The following TUSC3 variants were observed in gnomAD, a reference collection of about 807,000 sequenced individuals.
TUSC3 encodes the protein dolichyl-diphosphooligosaccharide--protein glycosyltransferase subunit TUSC3.
A neutral mutation model predicts 44.8 loss-of-function variants in TUSC3; 45 were observed. That is an observed-to-expected ratio of 1.00 (90% CI 0.79 to 1.29). The LOEUF is 1.29. TUSC3 is among the 50% of genes most tolerant of loss of function. TUSC3 has a pLI of 0.00. For missense variants in TUSC3, 519 were observed against 437.9 expected, an observed-to-expected ratio of 1.19 and a Z score of -1.65; for synonymous variants, 212 against 152.9, an observed-to-expected ratio of 1.39 and a Z score of -2.85.
chr8:15,803,305 A>G, the TUSC3 span, among the ~76,000 whole-genome samples: 2 of 152,194 alleles, frequency 1.3e-5, no homozygotes, highest in Non-Finnish European at 2.9e-5. Context: ...AAATGCACAC[A>G]TATCTTAGTA....
intron 2 of TUSC3, among the ~76,000 whole-genome samples, chr8:15,488,665 G>T (rs1251039120): frequency 6.6e-6 from 1 of 152,078 alleles, no homozygotes; most frequent in Non-Finnish European, 1.5e-5. Flanking sequence ...CCTATGATGA[G>T]ATTAGTGTCT....
intron 1 of TUSC3, among the ~76,000 whole-genome samples, chr8:15,560,199 G>C (rs1302935587): frequency 6.9e-6 from 1 of 145,464 alleles, no homozygotes; most frequent in African/African-American, 2.6e-5. Flanking sequence ...GGCAGGCCTG[G>C]TGGTGACAAA....
intron 5 of TUSC3, among the ~76,000 whole-genome samples, chr8:15,666,997 A>G (rs927204865): frequency 6.6e-6 from 1 of 151,516 alleles, no homozygotes; most frequent in Non-Finnish European, 1.5e-5. Flanking sequence ...AAAACTACTC[A>G]TATATGGATA....
chr8:15,506,713 C>G (rs1038492544), intron 2 of TUSC3, among the ~76,000 whole-genome samples: 2 of 152,112 alleles, frequency 1.3e-5, no homozygotes, highest in Non-Finnish European at 2.9e-5. Flanking sequence ...CAGGAAAAAC[C>G]CGTCCCCATG....
intron 1 of TUSC3, among the ~76,000 whole-genome samples, chr8:15,590,197 G>C (rs911033880): frequency 6.6e-6 from 1 of 152,134 alleles, no homozygotes; most frequent in Non-Finnish European, 1.5e-5. Context: ...CTTTACACAG[G>C]AGTTTCTGAT....
At chr8:15,758,390 A>T in intron 10 of TUSC3, 1 of 326,720 alleles carries the variant, frequency 3.1e-6, no homozygotes, top group Non-Finnish European at 4.4e-6. Flanking sequence ...TATATATATA[A>T]TTTTACATAA....
chr8:15,597,202 G>T (rs980781359), intron 1 of TUSC3, among the ~76,000 whole-genome samples: 1 of 152,218 alleles, frequency 6.6e-6, no homozygotes, highest in South Asian at 2.1e-4. Flanking sequence ...ATTTGCTGCA[G>T]ATTTTAATGG....
chr8:15,851,115 A>G, the TUSC3 span, among the ~76,000 whole-genome samples: 70 of 152,216 alleles, frequency 4.6e-4, no homozygotes, highest in Admixed American at 3.9e-4. Flanking sequence ...TGGGAGCTCA[A>G]CATTAATGAT....
chr8:15,828,308 T>A, the TUSC3 span, among the ~76,000 whole-genome samples: 3 of 152,254 alleles, frequency 2.0e-5, no homozygotes, highest in Non-Finnish European at 4.4e-5. Flanking sequence ...ATAATTTTTT[T>A]AATCTACAGT....
chr8:15,564,409 T>G (rs1428577680), intron 1 of TUSC3, among the ~76,000 whole-genome samples: 2 of 152,158 alleles, frequency 1.3e-5, no homozygotes, highest in Non-Finnish European at 2.9e-5. Flanking sequence ...AAGAAAATTG[T>G]GGAATCCACT....
At chr8:15,743,320 A>G (rs143969808) in intron 7 of TUSC3, 13 of 554,724 alleles carry the variant, frequency 2.3e-5, no homozygotes, top group Admixed American at 1.2e-4. Flanking sequence ...TTAGCCTCTC[A>G]ATATATCACA....
At chr8:15,825,885 CTTTTTTTT>C in the TUSC3 span, among the ~76,000 whole-genome samples, 2 of 120,390 alleles carry the variant, frequency 1.7e-5, no homozygotes, top group Admixed American at 8.3e-5. Flanking sequence ...ACAGTTGTTT[CTTTTTTTT>C]TTTTTTTTTT....
At chr8:15,536,480 G>C (rs931539753), upstream of TUSC3, among the ~76,000 whole-genome samples, 1 of 151,764 alleles carries the variant, frequency 6.6e-6, no homozygotes, top group African/African-American at 2.4e-5. Flanking sequence ...TCAGTAGTAC[G>C]AGACCAGCCT....
intron 3 of TUSC3, among the ~76,000 whole-genome samples, chr8:15,651,318 C>G (rs952708063): frequency 2.0e-5 from 3 of 152,110 alleles, no homozygotes; most frequent in Admixed American, 6.5e-5. Context: ...TTTTACTTAA[C>G]TGTTATTTTT....
At position 15,694,772 on chromosome 8, in the gene TUSC3, T is replaced by A. The variant is rs551920412; in HGVS notation, c.798+20936T>A. 1.7e-4 allele frequency among the ~76,000 whole-genome samples: 26 copies of A among 152,248 alleles called. No homozygotes were observed. The East Asian group carries it at 5.0e-3, about 29-fold the overall frequency. On this transcript the variant is annotated intron_variant, in intron 6 of 10. Coordinates refer to ENST00000503731, the MANE Select transcript of TUSC3 (RefSeq NM_006765.4). ...GGCTGGTTTCAGGCCCTAGCTTTGT[T>A]CTCTGGTCCCTCCTGATTACTGGAG...
the TUSC3 span, among the ~76,000 whole-genome samples, chr8:15,822,695 A>G: frequency 8.2e-4 from 125 of 152,262 alleles, 2 homozygotes; most frequent in African/African-American, 2.9e-3. Context: ...ACAGAGAAGG[A>G]GCATCCTGTG....
At chr8:15,627,112 G>T (rs1283418637) in intron 2 of TUSC3, among the ~76,000 whole-genome samples, 1 of 152,212 alleles carries the variant, frequency 6.6e-6, no homozygotes, top group Non-Finnish European at 1.5e-5. Flanking sequence ...GACTTGAGAA[G>T]AGGATGGAGA....
intron 6 of TUSC3, among the ~76,000 whole-genome samples, chr8:15,724,907 G>A (rs528667613): frequency 5.9e-5 from 9 of 152,132 alleles, no homozygotes; most frequent in South Asian, 2.1e-4. Context: ...CTGCGGACAA[G>A]CTCTTGGTTT....
At chr8:15,603,789 T>G (rs79091314) in intron 1 of TUSC3, among the ~76,000 whole-genome samples, 1 of 53,812 alleles carries the variant, frequency 1.9e-5, no homozygotes, top group South Asian at 5.8e-4. Flanking sequence ...CTAATTCTAT[T>G]TTTTTTTTGC....
Sources: gnomAD v4.1 joint callset for allele counts (sites outside exome capture counted in the v4.1 genomes callset) on GRCh38, gnomAD v4.1.1 for gene constraint, MANE v1.5 for transcripts, NCBI Gene and HGNC (gene_info 2026-07-23, HGNC 2026-07-21) for gene names.